The following C16orf74 variants were observed in gnomAD, a reference collection of about 807,000 sequenced individuals.
C16orf74 encodes the protein calcimembrin, also known as uncharacterized protein C16orf74.
Under a neutral mutation model 6.5 loss-of-function variants are expected in C16orf74, and 10 were observed. The observed-to-expected ratio is 1.54, with a 90% CI of 0.95 to 2.61. The LOEUF (loss-of-function observed/expected upper bound fraction) is 2.61. Among genes scored for constraint, C16orf74 ranks in the 30% most tolerant of loss-of-function variants. The probability of loss-of-function intolerance (pLI) is 0.00; values close to 1 mark genes in which losing one functional copy is unlikely to be tolerated. For missense variants in C16orf74, 141 were observed against 105.9 expected, an observed-to-expected ratio of 1.33 and a Z score of -1.45; for synonymous variants, 60 against 42.5, an observed-to-expected ratio of 1.41 and a Z score of -1.60.
At chr16:85,731,587 G>A (rs2054188183) in intron 2 of C16orf74, among the ~76,000 whole-genome samples, 1 of 152,170 alleles carries the variant, frequency 6.6e-6, no homozygotes, top group Admixed American at 6.5e-5. Flanking sequence ...GGGAGTGAGA[G>A]TAATCGTATC....
At chr16:85,710,046 A>T in intron 3 of C16orf74, 118 bp downstream of exon 3, 1 of 835,404 alleles carries the variant, frequency 1.2e-6, no homozygotes, top group Non-Finnish European at 1.7e-6. Flanking sequence ...TGTTTAACGA[A>T]CCCAGTGGGA....
intron 1 of C16orf74, 27 bp from the exon 2 acceptor site, chr16:85,735,262 AG>A: frequency 6.5e-7 from 1 of 1,535,888 alleles, no homozygotes; most frequent in South Asian, 1.2e-5. Context: ...GCGCTGAGAG[AG>A]GGGAGGGCGC....
chr16:85,735,273 C>T (rs548417862), intron 1 of C16orf74, 38 bp from the exon 2 acceptor site: 11 of 1,506,142 alleles, frequency 7.3e-6, no homozygotes, highest in Admixed American at 2.1e-5. Flanking sequence ...GGGGAGGGCG[C>T]GACTTGTTTG....
At position 85,732,629 on chromosome 16, in the gene C16orf74, G is replaced by A. The variant is rs2054201721; in HGVS notation, c.28+2561C>T. ...TGCAGTGAGTCGAGATTGCACCACT[G>A]CACTCCAGCCTGGGTGACAGAGCGA... On this transcript the variant is annotated intron_variant, in intron 2 of 3. Transcript: ENST00000284245. Among the ~76,000 whole-genome samples the A allele has an allele frequency of 5.6e-5, 7 of 125,282 alleles. No homozygotes were observed. The South Asian group carries it at 1.6e-3, about 28-fold the overall frequency. 82.2% of individuals were successfully genotyped at this position (125,282 alleles called of 152,430 possible). A position where few individuals can be genotyped will look rare whatever the true frequency, so the allele number is the denominator to read the frequency against.
intron 1 of C16orf74, 127 bp from the exon 2 acceptor site, chr16:85,735,362 C>T (rs977955888): frequency 1.0e-5 from 5 of 493,822 alleles, no homozygotes; most frequent in African/African-American, 6.1e-5. Flanking sequence ...GAGAAACCAC[C>T]GGCCTCCAGG....
intron 2 of C16orf74, among the ~76,000 whole-genome samples, chr16:85,722,833 C>T (rs894226405): frequency 1.3e-5 from 2 of 152,238 alleles, no homozygotes; most frequent in East Asian, 3.8e-4. Flanking sequence ...CTATGAACGC[C>T]TATGTGCACC....
chr16:85,735,156 T>A, intron 2 of C16orf74, 34 bp downstream of exon 2: 1 of 1,585,074 alleles, frequency 6.3e-7, no homozygotes, highest in Middle Eastern at 1.7e-4. Context: ...CCCTCTGCCA[T>A]GAGAGCTGGT....
At chr16:85,711,369 C>T (rs980949667) in intron 2 of C16orf74, among the ~76,000 whole-genome samples, 13 of 147,242 alleles carry the variant, frequency 8.8e-5, no homozygotes, top group Admixed American at 1.4e-4. Flanking sequence ...AATCCCAGCA[C>T]TTTGGAAGGC....
At chr16:85,740,607 G>A (rs1451334679) in intron 1 of C16orf74, among the ~76,000 whole-genome samples, 1 of 151,472 alleles carries the variant, frequency 6.6e-6, no homozygotes, top group African/African-American at 2.4e-5. Flanking sequence ...CAGAAGAATG[G>A]CGTGAACCCG....
At chr16:85,744,841 A>AC (rs1247244832) in intron 1 of C16orf74, among the ~76,000 whole-genome samples, 1 of 129,058 alleles carries the variant, frequency 7.7e-6, no homozygotes, top group East Asian at 2.1e-4. Context: ...AAAAAAAAAA[A>AC]AAAAAAAAAC....
intron 1 of C16orf74, among the ~76,000 whole-genome samples, chr16:85,745,978 G>C (rs928709831): frequency 5.9e-5 from 9 of 152,208 alleles, no homozygotes; most frequent in Non-Finnish European, 7.3e-5. Flanking sequence ...GAGAGAGATG[G>C]CCAGGTAAAA....
intron 1 of C16orf74, among the ~76,000 whole-genome samples, chr16:85,741,312 G>A (rs1203790740): frequency 2.0e-5 from 3 of 152,316 alleles, no homozygotes; most frequent in Middle Eastern, 3.4e-3. Flanking sequence ...CTGAAGAGGT[G>A]TCTGGAACTG....
At chr16:85,714,645 C>G (rs2054004759) in intron 2 of C16orf74, among the ~76,000 whole-genome samples, 1 of 151,182 alleles carries the variant, frequency 6.6e-6, no homozygotes, top group South Asian at 2.1e-4. Context: ...GTCTCGAACT[C>G]CTGACCTTGT....
At chr16:85,724,857 T>C (rs377062) in intron 2 of C16orf74, among the ~76,000 whole-genome samples, 51,109 of 152,132 alleles carry the variant, frequency 0.34, 8,935 homozygotes, top group Middle Eastern at 0.46. Flanking sequence ...GACAGCGTGG[T>C]TCCTGACCTC....
In C16orf74 at chr16:85,708,010, A is replaced by C. The variant is rs767499193; in HGVS notation, c.229T>G (p.Ter77GlyextTer37). Residue 77 changes from the stop codon to glycine (G), a stop_lost, in exon 4 of 4, where the codon TGA becomes GGA. Transcript: ENST00000284245. ...CCAGCCAAACCCAGGACACCTCCTCAGGCTTCTGGGTCGATTTCTCCATCA... is the reference window on the plus strand; with the variant it reads ...CCAGCCAAACCCAGGACACCTCCTCCGGCTTCTGGGTCGATTTCTCCATCA... The part of the protein sequence containing the change: ...PDDGEIDPEA[*>G] 5.2e-6 allele frequency: 8 copies of C among 1,552,516 alleles called. No individual in the cohort carries two copies. The highest frequency in any genetic ancestry group is 7.0e-6 in the Non-Finnish European group (8 of 1,147,490).
chr16:85,709,390 G>A (rs1394004551), intron 3 of C16orf74, among the ~76,000 whole-genome samples: 1 of 152,008 alleles, frequency 6.6e-6, no homozygotes, highest in African/African-American at 2.4e-5. Context: ...AAATGGGGAT[G>A]AAATCTGTAC....
rs1365644723 is a variant in C16orf74 at position 85,750,998 on chromosome 16, G to T, written c.-91C>A. The T allele has an allele frequency of 6.7e-6, 1 of 150,230 alleles. No individual in the cohort carries two copies. The highest frequency in any genetic ancestry group is 1.5e-5 in the Non-Finnish European group (1 of 67,478). 9.3% of individuals were successfully genotyped at this position (150,230 alleles called of 1,614,324 possible). A position where few individuals can be genotyped will look rare whatever the true frequency, so the allele number is the denominator to read the frequency against. On this transcript the variant is annotated 5_prime_UTR_variant, in exon 1 of 4. Coordinates refer to ENST00000284245, the MANE Select transcript of C16orf74 (RefSeq NM_206967.3). Reference sequence around the variant, plus strand: ...GAGGCCCGCCCGGGCGCTGGTGGTGGTGGCGGCGGCGGTCGGGCTCGGGGG... The same window carrying T: ...GAGGCCCGCCCGGGCGCTGGTGGTGTTGGCGGCGGCGGTCGGGCTCGGGGG...
chr16:85,722,427 G>T (rs528466419), intron 2 of C16orf74, among the ~76,000 whole-genome samples: 2 of 152,230 alleles, frequency 1.3e-5, no homozygotes, highest in African/African-American at 4.8e-5. Flanking sequence ...GGGAAAGGCC[G>T]CAGCCAGAGA....
intron 2 of C16orf74, among the ~76,000 whole-genome samples, chr16:85,719,087 C>T (rs1313757331): frequency 3.3e-5 from 5 of 152,224 alleles, no homozygotes; most frequent in African/African-American, 9.6e-5. Context: ...CACTGCCTCT[C>T]GGCCTGGGCT....
Sources: gnomAD v4.1 joint callset for allele counts (sites outside exome capture counted in the v4.1 genomes callset) on GRCh38, gnomAD v4.1.1 for gene constraint, MANE v1.5 for transcripts, NCBI Gene and HGNC (gene_info 2026-07-23, HGNC 2026-07-21) for gene names.